The following TENM4 variants were observed in gnomAD, a reference collection of about 807,000 sequenced individuals.
TENM4 encodes teneurin transmembrane protein 4.
Under a neutral mutation model 243.3 loss-of-function variants are expected in TENM4, and 82 were observed. The observed-to-expected ratio is 0.34, with a 90% CI of 0.28 to 0.40. The LOEUF is 0.40. Among genes scored for constraint, TENM4 ranks in the 10% least tolerant of loss-of-function variants. The probability of loss-of-function intolerance (pLI) is 1.00; values close to 1 mark genes in which losing one functional copy is unlikely to be tolerated. For missense variants in TENM4, 3,138 were observed against 3,673.3 expected (o/e 0.85, Z 3.77); for synonymous variants, 1,412 against 1,456.3 (o/e 0.97, Z 0.69).
At chr11:79,110,153 A>G (rs1325284244) in intron 4 of TENM4, among the ~76,000 whole-genome samples, 1 of 152,212 alleles carries the variant, frequency 6.6e-6, no homozygotes. Flanking sequence ...AACTTTGTGC[A>G]ACTCCATCAT....
chr11:79,116,285 A>T (rs1335205629), intron 4 of TENM4, among the ~76,000 whole-genome samples: 40 of 152,220 alleles, frequency 2.6e-4, no homozygotes. Context: ...TATTCTGCCC[A>T]CTTCACAGAT....
intron 2 of TENM4, among the ~76,000 whole-genome samples, chr11:79,259,820 T>C (rs1224618526): frequency 2.0e-5 from 3 of 152,262 alleles, no homozygotes. Context: ...AGAGAAAAAA[T>C]CTCAACAACT....
At chr11:79,195,172 A>G (rs751801304) in intron 3 of TENM4, among the ~76,000 whole-genome samples, 4 of 152,206 alleles carry the variant, frequency 2.6e-5, no homozygotes, top group Non-Finnish European at 5.9e-5. Flanking sequence ...CAGAAGATGT[A>G]TGGAAATGTC....
chr11:79,051,510 C>T (rs975821552), intron 6 of TENM4, among the ~76,000 whole-genome samples: 1 of 152,136 alleles, frequency 6.6e-6, no homozygotes, highest in Non-Finnish European at 1.5e-5. Context: ...TTCTATATTC[C>T]TGTCTCCATC....
chr11:78,962,102 T>A (rs1054073207), intron 6 of TENM4: 1 of 152,624 alleles, frequency 6.6e-6, no homozygotes, highest in African/African-American at 2.4e-5. Flanking sequence ...AGGACAATTT[T>A]AAAAACAAAC....
At chr11:78,879,590 G>T in intron 9 of TENM4, among the ~76,000 whole-genome samples, 1 of 137,210 alleles carries the variant, frequency 7.3e-6, no homozygotes, top group East Asian at 2.2e-4. Flanking sequence ...GCCCTGTCTG[G>T]GATGTGGGGA....
intron 6 of TENM4, among the ~76,000 whole-genome samples, chr11:79,002,502 C>T (rs1040514606): frequency 6.6e-6 from 1 of 152,216 alleles, no homozygotes; most frequent in African/African-American, 2.4e-5. Context: ...GTACTAGTTT[C>T]CAAGAGTTAC....
intron 2 of TENM4, among the ~76,000 whole-genome samples, chr11:79,263,932 T>C (rs1590836082): frequency 6.6e-6 from 1 of 152,196 alleles, no homozygotes. Flanking sequence ...TCGCATCCCT[T>C]GAATATGGTA....
At chr11:78,887,961 A>G (rs1565424390) in intron 9 of TENM4, among the ~76,000 whole-genome samples, 1 of 152,250 alleles carries the variant, frequency 6.6e-6, no homozygotes, top group South Asian at 2.1e-4. Context: ...ATGAAAAATA[A>G]TAATGTTAGT....
At chr11:79,294,359 CTT>C (rs1174130095) in intron 2 of TENM4, among the ~76,000 whole-genome samples, 1 of 152,178 alleles carries the variant, frequency 6.6e-6, no homozygotes, top group East Asian at 1.9e-4. Context: ...CCGTTATTGA[CTT>C]TACCTGAATT....
At chr11:78,859,071 A>G (rs576300776) in intron 10 of TENM4, among the ~76,000 whole-genome samples, 51 of 152,320 alleles carry the variant, frequency 3.3e-4, no homozygotes, top group African/African-American at 1.1e-3. Context: ...AGACATTCTC[A>G]GTGGTGGTGG....
chr11:79,177,059 G>T (rs111673295), intron 3 of TENM4, among the ~76,000 whole-genome samples: 22 of 152,138 alleles, frequency 1.4e-4, no homozygotes, highest in African/African-American at 5.3e-4. Flanking sequence ...AGACATGACC[G>T]TGCCACTTAT....
chr11:78,989,998 G>A (rs1858003312), intron 6 of TENM4, among the ~76,000 whole-genome samples: 2 of 151,580 alleles, frequency 1.3e-5, no homozygotes, highest in East Asian at 1.9e-4. Flanking sequence ...CGGGGAAGTC[G>A]AGGCTGCTGT....
intron 20 of TENM4, among the ~76,000 whole-genome samples, chr11:78,735,716 A>C (rs1002510906): frequency 1.2e-4 from 18 of 152,166 alleles, no homozygotes; most frequent in African/African-American, 4.3e-4. Context: ...TCCAAGCCTC[A>C]GTTTTCTCAT....
Position 78,812,638 on chromosome 11 carries a change from C to T in TENM4, c.1784-322G>A, listed in dbSNP as rs79034639. Among the ~76,000 whole-genome samples, 732 of 152,294 alleles carry T rather than the reference C, an allele frequency of 4.8e-3. 11 individuals are homozygous for T. The highest frequency in any genetic ancestry group is 0.017 in the African/African-American group (710 of 41,562). ...AGCTTCAGTCTGTTCCTCCATCTCA[C>T]TGGAAAAGCCAGTGGCTGAGCCTCC... On this transcript the variant is annotated intron_variant, in intron 13 of 33. Transcript: ENST00000278550.
rs1555098074 is a variant in TENM4 at position 78,895,005 on chromosome 11, A to AAAAAAAG, written c.750-3670_750-3669insCTTTTTT. On this transcript the variant is annotated intron_variant, in intron 7 of 33. Coordinates refer to ENST00000278550, the MANE Select transcript of TENM4 (RefSeq NM_001098816.3). ...AAAAAAAAAAAAAAAAAAAAAAAAA[A>AAAAAAAG]AAGAAGACAATTCTGGCTATTCAGA... Among the ~76,000 whole-genome samples, 30 of 118,016 alleles carry AAAAAAAG rather than the reference A, an allele frequency of 2.5e-4. 2 individuals carry two copies. The highest frequency in any genetic ancestry group is 3.7e-4 in the Non-Finnish European group (21 of 57,518). The allele number at this position is 118,016 out of a possible 152,430, so 77.4% of individuals were successfully genotyped here.
At chr11:78,988,271 A>G (rs1857964159) in intron 6 of TENM4, among the ~76,000 whole-genome samples, 1 of 152,158 alleles carries the variant, frequency 6.6e-6, no homozygotes. Flanking sequence ...CAGTTTGTCA[A>G]CTGTGTGAGT....
At chr11:78,783,711 T>C (rs181546118) in intron 16 of TENM4, among the ~76,000 whole-genome samples, 57 of 152,358 alleles carry the variant, frequency 3.7e-4, no homozygotes, top group African/African-American at 1.3e-3. Context: ...TTGACAAAAA[T>C]ACTGTCATTG....
At chr11:79,315,740 G>A (rs1253976655) in intron 1 of TENM4, among the ~76,000 whole-genome samples, 1 of 152,200 alleles carries the variant, frequency 6.6e-6, no homozygotes, top group Non-Finnish European at 1.5e-5. Context: ...CCAGTGTTTT[G>A]AAACTGTAAG....
Sources: allele counts gnomAD v4.1 joint callset (sites outside exome capture counted in the v4.1 genomes callset), GRCh38; gene constraint gnomAD v4.1.1; transcripts MANE v1.5; gene names NCBI Gene and HGNC (gene_info 2026-07-23, HGNC 2026-07-21).